Variants in ANKZF1 observed in about 807,000 individuals in gnomAD.
The protein encoded by ANKZF1 is ankyrin repeat and zinc finger peptidyl tRNA hydrolase 1.
A neutral mutation model predicts 86.0 loss-of-function variants in ANKZF1; 84 were observed. The observed-to-expected ratio is 0.98, with a 90% confidence interval of 0.82 to 1.17. ANKZF1 has a LOEUF of 1.17. Among genes scored for constraint, ANKZF1 ranks in the 50% most tolerant of loss-of-function variants. The probability of loss-of-function intolerance (pLI) is 0.00; values close to 1 mark genes in which losing one functional copy is unlikely to be tolerated. For synonymous variants in ANKZF1, 331 were observed against 354.2 expected (o/e 0.93, Z 0.74); for missense variants, 893 against 918.4 (o/e 0.97, Z 0.36).
chr2:219,232,016 G>C lies in ANKZF1; in HGVS notation c.237G>C (p.Gln79His). ...AGTTATTTTGTTCAACTTGTGACCA[G>C]ACCTTCCAGAACCACCAAGAACAGG... Reference protein sequence around the residue: ...SEKLFCSTCDQTFQNHQEQRE... With the variant: ...SEKLFCSTCDHTFQNHQEQRE... Residue 79 changes from glutamine to histidine, a missense_variant, in exon 3 of 14, where the codon CAG becomes CAC. Transcript: ENST00000323348. 1 of 1,609,782 alleles carries C rather than the reference G, an allele frequency of 6.2e-7. No individual in the cohort carries two copies. The highest frequency in any genetic ancestry group is 1.3e-5 in the African/African-American group (1 of 74,496).
rs1288733533 is a variant in ANKZF1, at chr2:219,233,827, G to A, written c.932G>A (p.Gly311Glu). The A allele has an allele frequency of 5.6e-6, 9 of 1,614,126 alleles. No individual in the cohort carries two copies. In the South Asian group the frequency reaches 9.9e-5, roughly 18 times the overall value. ...CGGTCTTTGTTCTTTGGAGGCAAGG[G>A]AGCACCCCTGCAAAGGGGGGATCCC... The part of the protein sequence containing the change: ...SGRSLFFGGK[G>E]APLQRGDPRL... The change falls in exon 8 of 14, where the codon GGA (glycine) becomes GAA (glutamate). Residue 311 changes from glycine (G) to glutamate (E), a missense_variant. Coordinates refer to ENST00000323348, the MANE Select transcript of ANKZF1 (RefSeq NM_018089.3).
chr2:219,235,523 C>G lies in ANKZF1; in HGVS notation c.1741C>G (p.Arg581Gly), dbSNP rs376079232. The change falls in exon 11 of 14, where the codon CGT becomes GGT. Residue 581 changes from arginine (R) to glycine (G), a missense_variant. By Grantham distance (125) the Arg-to-Gly change is moderately radical. Transcript: ENST00000323348. ...PYTVAADKST[R>G]NEFRRFMEKN... is the part of the protein sequence containing the mutation. The stretch of plus-strand genomic sequence containing the variant: ...TACTGTTGCGGCTGACAAATCAACA[C>G]GTAATGAGTTCCGAAGGTTCATGGA... 6.2e-7 allele frequency: 1 copy of G among 1,613,916 alleles called. No individual in the cohort carries two copies. The highest frequency in any genetic ancestry group is 8.5e-7 in the Non-Finnish European group (1 of 1,180,022).
Position 219,231,938 on chromosome 2 carries a change from G to A in ANKZF1, c.159G>A (p.Glu53=), listed in dbSNP as rs750608980. 6.2e-6 allele frequency: 10 copies of A among 1,613,922 alleles called. No individual in the cohort carries two copies. The South Asian group carries it at 9.9e-5, about 16-fold the overall frequency. The part of the protein sequence containing the change: ...APRTSCSGSG[E]RESPERKLLQ... ...TCTTCCCTTATTTAGGCTCAGGGGA[G>A]AGAGAAAGCCCAGAAAGAAAGCTAC... Residue 53 remains glutamate, a synonymous_variant, in exon 3 of 14, where the codon GAG becomes GAA. Coordinates refer to ENST00000323348, the MANE Select transcript of ANKZF1 (RefSeq NM_018089.3).
Position 219,230,245 on chromosome 2 carries a change from T to C in ANKZF1, c.-13T>C. The C allele has an allele frequency of 6.2e-7, 1 of 1,610,352 alleles. No homozygotes were observed. The highest frequency in any genetic ancestry group is 8.5e-7 in the Non-Finnish European group (1 of 1,177,310). ...TACTCCAGGAGCTGCTGCTAAATAATTTCTGCTCAGCCATGTCGCCGGCTC... is the reference window on the plus strand; with the variant it reads ...TACTCCAGGAGCTGCTGCTAAATAACTTCTGCTCAGCCATGTCGCCGGCTC... On this transcript the variant is annotated 5_prime_UTR_variant, in exon 2 of 14. Coordinates refer to ENST00000323348, the MANE Select transcript of ANKZF1 (RefSeq NM_018089.3).
Position 219,233,419 on chromosome 2 carries a change from G to A in ANKZF1, c.805G>A (p.Ala269Thr). The A allele has an allele frequency of 6.2e-7, 1 of 1,612,962 alleles. No homozygotes were observed. The highest frequency in any genetic ancestry group is 8.5e-7 in the Non-Finnish European group (1 of 1,179,380). Residue 269 changes from alanine (A) to threonine (T), a missense_variant, in exon 7 of 14, where the codon GCC becomes ACC. Coordinates refer to ENST00000323348, the MANE Select transcript of ANKZF1 (RefSeq NM_018089.3). ...AGANLRRYNE[A>T]TLYKDVRDLL... ...AGCCAACCTGAGGCGCTACAATGAA[G>A]CCACACTATATAAGGTGAGTTAAGC... is the stretch of plus-strand genomic sequence containing the variant.
intron 9 of ANKZF1, 34 bp downstream of exon 9, chr2:219,234,322 G>A: frequency 6.2e-7 from 1 of 1,613,716 alleles, no homozygotes; most frequent in Non-Finnish European, 8.5e-7. Flanking sequence ...TCAGATCTGA[G>A]TTTCTGTCCT....
rs779792670 is a variant in ANKZF1, at chr2:219,232,323, C to T, written c.325C>T (p.Leu109Phe). The change falls in exon 4 of 14, where the codon CTC (leucine) becomes TTC (phenylalanine). Residue 109 changes from leucine (L) to phenylalanine (F), a missense_variant. Leu to Phe is a conservative substitution (Grantham distance 22). Transcript: ENST00000323348. ...AAAGCAACGTCTCAAGGACAAGCCT[C>T]TCCTGTCTGCCCTGGACTTTGAAAA... ...NLKQRLKDKP[L>F]LSALDFEKQS... 6.2e-7 allele frequency: 1 copy of T among 1,614,250 alleles called. No homozygotes were observed.
chr2:219,233,508 A>G, intron 7 of ANKZF1, 75 bp downstream of exon 7: 1 of 1,488,310 alleles, frequency 6.7e-7, no homozygotes, highest in Non-Finnish European at 8.9e-7. Context: ...ACTGTTAAGT[A>G]GGGAGGTTTT....
In ANKZF1 at chr2:219,233,331, G is replaced by C. The variant is rs1304715928; in HGVS notation, c.717G>C (p.Arg239=). 3 of 1,614,132 alleles carry C rather than the reference G, an allele frequency of 1.9e-6. No individual in the cohort carries two copies. Among genetic ancestry groups the C allele is most frequent in the Non-Finnish European group, 1.7e-6 (2 of 1,180,052 alleles). The part of the protein sequence containing the change: ...THKTFHRYTV[R]AKRGTAQGLR... ...AAACTTTTCACCGCTATACGGTTCG[G>C]GCCAAGCGGGGCACAGCCCAGGGGC... The change falls in exon 7 of 14, where the codon CGG becomes CGC. Residue 239 remains arginine (R), a synonymous_variant. Coordinates refer to ENST00000323348, the MANE Select transcript of ANKZF1 (RefSeq NM_018089.3).
chr2:219,235,716 AC>A lies in ANKZF1; in HGVS notation c.1814del (p.Pro605HisfsTer2). The A allele has an allele frequency of 6.2e-7, 1 of 1,614,094 alleles. No homozygotes were observed. The highest frequency in any genetic ancestry group is 8.5e-7 in the Non-Finnish European group (1 of 1,180,020). ...TATTTGAAATCCTCCAGGTGCCAGG[AC>A]CATTGACACCAGAAATGGAGGCACG... is the stretch of plus-strand genomic sequence containing the variant. ...YDYNKAQVPG[P>X]LTPEMEARQA... On this transcript the variant is annotated frameshift_variant, in exon 12 of 14. Transcript: ENST00000323348. LOFTEE classifies it high-confidence loss of function.
intron 8 of ANKZF1, 58 bp from the exon 9 acceptor site, chr2:219,234,075 A>G: frequency 6.3e-7 from 1 of 1,577,478 alleles, no homozygotes; most frequent in Non-Finnish European, 8.6e-7. Flanking sequence ...GCATTGAGAG[A>G]AACCTGCGCT....
chr2:219,236,465 G>C lies in ANKZF1; in HGVS notation c.*20G>C. 1 of 1,554,580 alleles carries C rather than the reference G, an allele frequency of 6.4e-7. No homozygotes were observed. Among genetic ancestry groups the C allele is most frequent in the Non-Finnish European group, 8.7e-7 (1 of 1,150,806 alleles). On this transcript the variant is annotated 3_prime_UTR_variant, in exon 14 of 14. Coordinates refer to ENST00000323348, the MANE Select transcript of ANKZF1 (RefSeq NM_018089.3). ...TCCTGATCTCTTACAGCTCTACCTG[G>C]GGCCAACTCAGGGACCTGAGAGGGC...
chr2:219,232,179 A>G (rs956408901), intron 3 of ANKZF1, 81 bp from the exon 4 acceptor site: 1 of 1,479,550 alleles, frequency 6.8e-7, no homozygotes, highest in Non-Finnish European at 9.4e-7. Context: ...ACTTCCTAGA[A>G]TACTATAACT....
rs1950988874 is a variant in ANKZF1 at position 219,230,252 on chromosome 2, T to A, written c.-6T>A. On this transcript the variant is annotated 5_prime_UTR_variant, in exon 2 of 14. Coordinates refer to ENST00000323348, the MANE Select transcript of ANKZF1 (RefSeq NM_018089.3). ...GGAGCTGCTGCTAAATAATTTCTGC[T>A]CAGCCATGTCGCCGGCTCCAGATGC... The A allele has an allele frequency of 6.2e-7, 1 of 1,612,238 alleles. No individual in the cohort carries two copies. The highest frequency in any genetic ancestry group is 8.5e-7 in the Non-Finnish European group (1 of 1,178,880).
At position 219,232,429 on chromosome 2, in the gene ANKZF1, G is replaced by A. The variant is rs1951070449; in HGVS notation, c.365-61G>A. ...AGGTATAAGAAAGCACTAGTTTAGA[G>A]TTTGAGGAAAGAACAAAAATGGGGT... On this transcript the variant is annotated intron_variant, in intron 4 of 13. Transcript: ENST00000323348. 28 of 1,611,306 alleles carry A rather than the reference G, an allele frequency of 1.7e-5. No individual in the cohort carries two copies. The South Asian group carries it at 3.0e-4, about 17-fold the overall frequency.
rs1438292231 is a variant in ANKZF1 at position 219,235,304 on chromosome 2, C to G, written c.1683C>G (p.Pro561=). ...VRLLLEAGAD[P]TVQDSRARPP... ...TGCTGCTGGAAGCAGGTGCTGACCC[C>G]ACTGTGCAGTGAGTAAAGGTCCCCA... The change falls in exon 10 of 14, where the codon CCC becomes CCG. Residue 561 remains proline (P), a synonymous_variant. Coordinates refer to ENST00000323348, the MANE Select transcript of ANKZF1 (RefSeq NM_018089.3). The G allele has an allele frequency of 6.2e-7, 1 of 1,610,366 alleles. No individual in the cohort carries two copies. The highest frequency in any genetic ancestry group is 1.1e-5 in the South Asian group (1 of 90,942).
intron 5 of ANKZF1, 128 bp downstream of exon 5, chr2:219,232,811 A>G (rs1343256390): frequency 2.8e-6 from 3 of 1,090,370 alleles, no homozygotes; most frequent in Non-Finnish European, 3.9e-6. Context: ...ACGCTTGACA[A>G]CATAGTCTTG....
rs77345872 is a variant in ANKZF1, at chr2:219,235,691, T to C, written c.1804-17T>C. 3,422 of 1,613,634 alleles carry C rather than the reference T, an allele frequency of 2.1e-3. 62 individuals are homozygous for C. In the African/African-American group the frequency reaches 0.035, roughly 17 times the overall value. The stretch of plus-strand genomic sequence containing the variant: ...ACCAAAGATAACTTATAGGGTCTTA[T>C]ATTTGAAATCCTCCAGGTGCCAGGA... On this transcript the variant is annotated splice_polypyrimidine_tract_variant and intron_variant, in intron 11 of 13. Coordinates refer to ENST00000323348, the MANE Select transcript of ANKZF1 (RefSeq NM_018089.3).
chr2:219,236,661 G>T lies in ANKZF1; in HGVS notation c.*216G>T. ...AAAGTTTGGCAAGGAATGTGTACTT[G>T]TACTTACATTCAGAGGCACTGTGGC... On this transcript the variant is annotated 3_prime_UTR_variant, in exon 14 of 14. Coordinates refer to ENST00000323348, the MANE Select transcript of ANKZF1 (RefSeq NM_018089.3). 3 of 606,268 alleles carry T rather than the reference G, an allele frequency of 4.9e-6. No homozygotes were observed. Among genetic ancestry groups the T allele is most frequent in the Non-Finnish European group, 8.0e-6 (3 of 375,894 alleles). The allele number at this position is 606,268 out of a possible 1,614,324, so 37.6% of individuals were successfully genotyped here.
Sources: gnomAD v4.1 joint callset for allele counts on GRCh38, gnomAD v4.1.1 for gene constraint, MANE v1.5 for transcripts, NCBI Gene and HGNC (gene_info 2026-07-23, HGNC 2026-07-21) for gene names.